Variants in DOK6 observed in about 807,000 individuals in gnomAD.
DOK6 encodes the protein downstream of tyrosine kinase 6.
In DOK6, 22 loss-of-function variants were observed where a neutral mutation model predicts 44.0. That is an observed-to-expected ratio of 0.50 (90% CI 0.36 to 0.71). DOK6 has a LOEUF of 0.71. DOK6 is among the 30% of genes least tolerant of loss of function. DOK6 has a pLI of 0.00. For synonymous variants in DOK6, 166 were observed against 145.5 expected (o/e 1.14, Z -1.01); for missense variants, 340 against 416.4 (o/e 0.82, Z 1.60).
intron 1 of DOK6, among the ~76,000 whole-genome samples, chr18:69,554,622 T>C (rs979911323): frequency 1.3e-5 from 2 of 152,152 alleles, no homozygotes; most frequent in Admixed American, 1.3e-4. Context: ...TCTTGTGCAA[T>C]GTACAGATAT....
At chr18:69,809,499 TA>T (rs1025455024) in intron 7 of DOK6, among the ~76,000 whole-genome samples, 14 of 150,938 alleles carry the variant, frequency 9.3e-5, no homozygotes, top group African/African-American at 2.7e-4. Flanking sequence ...AGGAAGAAGT[TA>T]AATTGTCCCT....
chr18:69,581,359 A>T (rs965873917), intron 2 of DOK6, among the ~76,000 whole-genome samples: 23 of 152,230 alleles, frequency 1.5e-4, no homozygotes, highest in African/African-American at 4.8e-4. Flanking sequence ...GTACAACTTT[A>T]CTCAAAAAAG....
At chr18:69,770,156 C>G (rs1259496921) in intron 7 of DOK6, among the ~76,000 whole-genome samples, 1 of 152,080 alleles carries the variant, frequency 6.6e-6, no homozygotes, top group African/African-American at 2.4e-5. Context: ...GATATTTACT[C>G]AGCACTTGAC....
At chr18:69,822,326 C>T (rs1568136326) in intron 7 of DOK6, among the ~76,000 whole-genome samples, 1 of 152,164 alleles carries the variant, frequency 6.6e-6, no homozygotes, top group East Asian at 1.9e-4. Flanking sequence ...GCCACAGTTT[C>T]ATGGATGTTG....
intron 7 of DOK6, among the ~76,000 whole-genome samples, chr18:69,828,882 G>GTATATATATATATA (rs1475499795): frequency 8.3e-4 from 21 of 25,164 alleles, no homozygotes; most frequent in South Asian, 3.3e-3. Context: ...ATACATTTAT[G>GTATATATATATATA]TGTATATATA....
chr18:69,667,751 G>A (rs1452975318), intron 3 of DOK6, among the ~76,000 whole-genome samples: 4 of 152,032 alleles, frequency 2.6e-5, no homozygotes, highest in African/African-American at 4.8e-5. Context: ...CCCAAATATC[G>A]AACTGTGGGA....
intron 1 of DOK6, among the ~76,000 whole-genome samples, chr18:69,516,616 T>C (rs902123080): frequency 1.3e-5 from 2 of 152,172 alleles, no homozygotes; most frequent in African/African-American, 4.8e-5. Context: ...TTCTATCATA[T>C]TATCTTCTTT....
chr18:69,721,633 C>G (rs1037147828), intron 5 of DOK6, among the ~76,000 whole-genome samples: 15 of 152,224 alleles, frequency 9.9e-5, no homozygotes, highest in African/African-American at 3.4e-4. Context: ...CACTAGTCAT[C>G]CATCAGAAAA....
intron 1 of DOK6, among the ~76,000 whole-genome samples, chr18:69,480,109 T>A (rs1980376659): frequency 6.6e-6 from 1 of 152,166 alleles, no homozygotes; most frequent in Non-Finnish European, 1.5e-5. Context: ...CTACTTGAAA[T>A]GGTAAAATAA....
chr18:69,467,686 C>A (rs372897603), intron 1 of DOK6, among the ~76,000 whole-genome samples: 1 of 152,050 alleles, frequency 6.6e-6, no homozygotes, highest in Non-Finnish European at 1.5e-5. Flanking sequence ...ATGAAAAAAT[C>A]GGTGCTTTTT....
chr18:69,521,980 G>A (rs539895579), intron 1 of DOK6, among the ~76,000 whole-genome samples: 7 of 151,950 alleles, frequency 4.6e-5, no homozygotes, highest in African/African-American at 1.7e-4. Flanking sequence ...TTAGATTAAT[G>A]TCTTGATTTA....
chr18:69,677,224 G>A (rs545752706), intron 3 of DOK6, among the ~76,000 whole-genome samples: 82 of 151,672 alleles, frequency 5.4e-4, no homozygotes, highest in African/African-American at 1.9e-3. Flanking sequence ...AATCTAACCT[G>A]ACATTTTTTC....
intron 1 of DOK6, among the ~76,000 whole-genome samples, chr18:69,497,578 A>T (rs1046085830): frequency 6.6e-6 from 1 of 152,180 alleles, no homozygotes; most frequent in African/African-American, 2.4e-5. Flanking sequence ...TTACTAATTT[A>T]TGAACTCCAA....
intron 5 of DOK6, among the ~76,000 whole-genome samples, chr18:69,709,167 A>G (rs1366357111): frequency 6.6e-6 from 1 of 152,110 alleles, no homozygotes; most frequent in Admixed American, 6.5e-5. Context: ...AAGAACATCC[A>G]TCGTATGACT....
chr18:69,484,352 A>G (rs1980513742), intron 1 of DOK6, among the ~76,000 whole-genome samples: 1 of 152,192 alleles, frequency 6.6e-6, no homozygotes, highest in Non-Finnish European at 1.5e-5. Context: ...GTATGCCTGC[A>G]TAGAGATACT....
At chr18:69,669,503 C>T (rs1384821728) in intron 3 of DOK6, among the ~76,000 whole-genome samples, 2 of 152,196 alleles carry the variant, frequency 1.3e-5, no homozygotes, top group Non-Finnish European at 2.9e-5. Flanking sequence ...CTCCTCTAAA[C>T]CCAATGTGTT....
chr18:69,591,827 G>A (rs1983628556), intron 2 of DOK6, among the ~76,000 whole-genome samples: 1 of 152,030 alleles, frequency 6.6e-6, no homozygotes, highest in African/African-American at 2.4e-5. Flanking sequence ...AACATTTGCT[G>A]AGCTTAGAGA....
Position 69,481,370 on chromosome 18 carries a change from C to A in DOK6, c.66+80060C>A, listed in dbSNP as rs532990679. Among the ~76,000 whole-genome samples the A allele has an allele frequency of 3.6e-4, 54 of 149,930 alleles. 1 individual carries two copies. The South Asian group carries it at 0.01, about 28-fold the overall frequency. On this transcript the variant is annotated intron_variant, in intron 1 of 7. Coordinates refer to ENST00000382713, the MANE Select transcript of DOK6 (RefSeq NM_152721.6). The stretch of plus-strand genomic sequence containing the variant: ...ATATATCTCCTAATGCTATCCCTAC[C>A]CCCTACCCCCACCCCACAACAGGCC...
chr18:69,718,612 C>A (rs1986935860), intron 5 of DOK6, among the ~76,000 whole-genome samples: 1 of 152,128 alleles, frequency 6.6e-6, no homozygotes, highest in Admixed American at 6.5e-5. Flanking sequence ...GGATATTATG[C>A]CATTCTCAAA....
Sources: allele counts gnomAD v4.1 joint callset (sites outside exome capture counted in the v4.1 genomes callset), GRCh38; gene constraint gnomAD v4.1.1; transcripts MANE v1.5; gene names NCBI Gene and HGNC (gene_info 2026-07-23, HGNC 2026-07-21).